PCSK6: variants seen among roughly 807,000 people sequenced by gnomAD.
PCSK6 encodes the protein proprotein convertase subtilisin/kexin type 6.
PCSK6 carries 85 observed loss-of-function variants against 123.3 expected under a neutral mutation model. The ratio of observed to expected loss-of-function variants is 0.69; its 90% CI spans 0.58 to 0.83. PCSK6 has a LOEUF of 0.83. Among genes scored for constraint, PCSK6 ranks in the 40% least tolerant of loss-of-function variants. The pLI, the probability that PCSK6 is intolerant of heterozygous loss-of-function variation, is 0.00. For missense variants in PCSK6, 1,191 were observed against 1,282.3 expected, an observed-to-expected ratio of 0.93 and a Z score of 1.09; for synonymous variants, 508 against 516.0, an observed-to-expected ratio of 0.98 and a Z score of 0.21.
At chr15:101,408,555 G>T (rs1375868645) in intron 6 of PCSK6, among the ~76,000 whole-genome samples, 3 of 152,348 alleles carry the variant, frequency 2.0e-5, no homozygotes, top group East Asian at 3.9e-4. Flanking sequence ...GCCTGGCGAT[G>T]CTCAGATCTA....
At chr15:101,402,018 T>C (rs202130346) in intron 6 of PCSK6, among the ~76,000 whole-genome samples, 17,586 of 151,892 alleles carry the variant, frequency 0.12, 1,167 homozygotes, top group East Asian at 0.23. Context: ...GACTTCAAAC[T>C]ATACGACAAG....
At chr15:101,415,954 C>T (rs2055874046) in intron 6 of PCSK6, among the ~76,000 whole-genome samples, 1 of 152,236 alleles carries the variant, frequency 6.6e-6, no homozygotes, top group Non-Finnish European at 1.5e-5. Context: ...ATGTCTTCAT[C>T]AGCAGCATGA....
At chr15:101,479,294 A>G (rs1171773197) in intron 1 of PCSK6, among the ~76,000 whole-genome samples, 1 of 152,260 alleles carries the variant, frequency 6.6e-6, no homozygotes, top group Non-Finnish European at 1.5e-5. Context: ...AGAAGAAAGA[A>G]AAAGCATATG....
At chr15:101,356,832 A>G (rs1032267839) in intron 13 of PCSK6, among the ~76,000 whole-genome samples, 6 of 152,220 alleles carry the variant, frequency 3.9e-5, no homozygotes, top group African/African-American at 1.4e-4. Flanking sequence ...CCTGGAAGAG[A>G]GTGATCCTGG....
chr15:101,385,271 G>A (rs2042026789), intron 9 of PCSK6, among the ~76,000 whole-genome samples: 1 of 152,208 alleles, frequency 6.6e-6, no homozygotes. Flanking sequence ...TCCTGCATTG[G>A]CTTCCCAAAG....
chr15:101,382,278 G>C (rs2041930830), intron 10 of PCSK6, 69 bp from the exon 11 acceptor site: 1 of 1,230,568 alleles, frequency 8.1e-7, no homozygotes, highest in Non-Finnish European at 1.2e-6. Context: ...GCTGGCTCTT[G>C]CATCTGCCGG....
At chr15:101,430,288 T>TG (rs35911892) in intron 4 of PCSK6, among the ~76,000 whole-genome samples, 67,769 of 151,886 alleles carry the variant, frequency 0.45, 16,299 homozygotes, top group Non-Finnish European at 0.55. Flanking sequence ...TTCACAGTGC[T>TG]TGAGGCCATC....
At chr15:101,470,273 G>A (rs2057573141) in intron 1 of PCSK6, among the ~76,000 whole-genome samples, 1 of 152,128 alleles carries the variant, frequency 6.6e-6, no homozygotes, top group Non-Finnish European at 1.5e-5. Context: ...TTACAACAAT[G>A]ACATCTTATT....
rs145352619 is a variant in PCSK6 at position 101,363,113 on chromosome 15, G to A, written c.1858+3083C>T. Among the ~76,000 whole-genome samples, 18 of 152,336 alleles carry A rather than the reference G, an allele frequency of 1.2e-4. No homozygotes were observed. In the East Asian group the frequency reaches 3.5e-3, roughly 29 times the overall value. ...GTGGCTGGAGGGGATGTGGACTCAG[G>A]GGAGAGGCATCAGTGCACGCATGTT... On this transcript the variant is annotated intron_variant, in intron 13 of 21. Transcript: ENST00000611716.
At chr15:101,381,291 G>A (rs544907164) in intron 11 of PCSK6, among the ~76,000 whole-genome samples, 48 of 152,282 alleles carry the variant, frequency 3.2e-4, no homozygotes, top group Non-Finnish European at 5.9e-4. Context: ...TTGAACTCAG[G>A]AGGCAGAGGT....
Position 101,489,410 on chromosome 15 carries a change from G to T in PCSK6, c.261C>A (p.Arg87=). ...QVLGGPAEAD[R]VAAAHGYLNL... is the part of the protein sequence containing the mutation. ...TGAGGTACCCGTGCGCCGCCGCCAC[G>T]CGGTCCGCCTCGGCCGGGCCGCCCA... The change falls in exon 1 of 22, where the codon CGC becomes CGA. Residue 87 remains arginine (R), a synonymous_variant. Coordinates refer to ENST00000611716, the MANE Select transcript of PCSK6 (RefSeq NM_002570.5). 1 of 1,279,718 alleles carries T rather than the reference G, an allele frequency of 7.8e-7. No individual in the cohort carries two copies. Among genetic ancestry groups the T allele is most frequent in the Non-Finnish European group, 1.0e-6 (1 of 1,000,134 alleles). 79.3% of individuals were successfully genotyped at this position (1,279,718 alleles called of 1,614,324 possible).
Position 101,437,177 on chromosome 15 carries a change from G to A in PCSK6, c.403-5077C>T, listed in dbSNP as rs550752380. On this transcript the variant is annotated intron_variant, in intron 2 of 21. Transcript: ENST00000611716. ...CACTGAACCAAGCTAGACAGAGGCAGAAAGCAGATCCAAGTTCTCCGAGTG... is the reference window on the plus strand; with the variant it reads ...CACTGAACCAAGCTAGACAGAGGCAAAAAGCAGATCCAAGTTCTCCGAGTG... 1.1e-4 allele frequency among the ~76,000 whole-genome samples: 17 copies of A among 152,366 alleles called. No individual in the cohort carries two copies. In the South Asian group the frequency reaches 3.5e-3, roughly 32 times the overall value.
At chr15:101,450,641 G>A (rs2141173397) in intron 1 of PCSK6, among the ~76,000 whole-genome samples, 2 of 152,282 alleles carry the variant, frequency 1.3e-5, no homozygotes, top group Middle Eastern at 3.4e-3. Context: ...ACATTGGGAG[G>A]ATACACAGGT....
intron 17 of PCSK6, among the ~76,000 whole-genome samples, 155 bp downstream of exon 17, chr15:101,324,695 C>G (rs1372645898): frequency 6.6e-6 from 1 of 152,250 alleles, no homozygotes; most frequent in African/African-American, 2.4e-5. Context: ...GCTTTGATTT[C>G]ATCATCTCTG....
intron 1 of PCSK6, among the ~76,000 whole-genome samples, chr15:101,471,321 A>G (rs2057598523): frequency 7.5e-6 from 1 of 133,186 alleles, no homozygotes; most frequent in South Asian, 2.4e-4. Context: ...TATGTCTTCA[A>G]AGACAACATG....
chr15:101,323,630 G>A (rs1204383349), intron 17 of PCSK6, among the ~76,000 whole-genome samples: 1 of 152,076 alleles, frequency 6.6e-6, no homozygotes, highest in East Asian at 1.9e-4. Context: ...CTACTCGGGA[G>A]GCTGTGGTAG....
At chr15:101,460,605 T>C (rs1027452365) in intron 1 of PCSK6, among the ~76,000 whole-genome samples, 2 of 152,218 alleles carry the variant, frequency 1.3e-5, no homozygotes, top group Non-Finnish European at 2.9e-5. Context: ...CATTTCTCTC[T>C]AGAGACACAC....
chr15:101,440,350 G>A (rs149763910), intron 2 of PCSK6, among the ~76,000 whole-genome samples: 23 of 152,332 alleles, frequency 1.5e-4, no homozygotes, highest in African/African-American at 4.6e-4. Context: ...GTACCATTCC[G>A]GTACAGGATC....
intron 1 of PCSK6, among the ~76,000 whole-genome samples, chr15:101,444,981 G>A (rs749693969): frequency 1.3e-5 from 2 of 152,184 alleles, no homozygotes; most frequent in African/African-American, 2.4e-5. Flanking sequence ...CAGCCTTGCT[G>A]TCTCCTGTTC....
Sources: gnomAD v4.1 joint callset for allele counts (sites outside exome capture counted in the v4.1 genomes callset) on GRCh38, gnomAD v4.1.1 for gene constraint, MANE v1.5 for transcripts, NCBI Gene and HGNC (gene_info 2026-07-23, HGNC 2026-07-21) for gene names.